The following ERC2 variants were observed in gnomAD, a reference collection of about 807,000 sequenced individuals.
ERC2 encodes ELKS/RAB6-interacting/CAST family member 2.
In ERC2, 42 loss-of-function variants were observed where a neutral mutation model predicts 114.8. That is an observed-to-expected ratio of 0.37 (90% CI 0.29 to 0.47). ERC2 has a LOEUF of 0.47. Ranked by LOEUF, ERC2 falls within the 20% of genes least tolerant of loss-of-function variation. ERC2 has a pLI of 0.99. For missense variants in ERC2, 939 were observed against 1,150.7 expected, an observed-to-expected ratio of 0.82 and a Z score of 2.66; for synonymous variants, 454 against 425.5, an observed-to-expected ratio of 1.07 and a Z score of -0.82.
chr3:55,988,400 C>G (rs887620824), intron 11 of ERC2, among the ~76,000 whole-genome samples: 2 of 152,198 alleles, frequency 1.3e-5, no homozygotes, highest in African/African-American at 4.8e-5. Flanking sequence ...TGGGACCACA[C>G]TAGAGCAACA....
rs1164468814 is a variant in ERC2, at chr3:56,058,101, T to C, written c.1641+22716A>G. Among the ~76,000 whole-genome samples the C allele has an allele frequency of 2.0e-5, 3 of 152,328 alleles. No individual in the cohort carries two copies. In the East Asian group the frequency reaches 5.8e-4, roughly 29 times the overall value. On this transcript the variant is annotated intron_variant, in intron 7 of 17. Coordinates refer to ENST00000288221, the MANE Select transcript of ERC2 (RefSeq NM_015576.3). The stretch of plus-strand genomic sequence containing the variant: ...CATATTACAAATTTCTGTAGCAAGA[T>C]ACCTGCACTTGATAAACAGCTGTGC...
At chr3:55,591,199 T>A (rs1176835325) in intron 17 of ERC2, among the ~76,000 whole-genome samples, 26 of 142,286 alleles carry the variant, frequency 1.8e-4, no homozygotes, top group African/African-American at 3.6e-4. Flanking sequence ...TTTTTTTTTT[T>A]AAACAAATTT....
At chr3:56,348,939 GGAAGGAAGGAAGGAAGGAAAGAAAGAAA>G (rs1560642964) in intron 2 of ERC2, among the ~76,000 whole-genome samples, 21 of 90,624 alleles carry the variant, frequency 2.3e-4, no homozygotes, top group African/African-American at 6.0e-4. Flanking sequence ...AAGGAAGGAA[GGAAGGAAGGAAGGAAGGAAAGAAAGAAA>G]GAAGGAAAGA....
intron 13 of ERC2, among the ~76,000 whole-genome samples, chr3:55,942,776 T>A (rs1028811003): frequency 1.3e-5 from 2 of 152,344 alleles, no homozygotes; most frequent in East Asian, 3.9e-4. Context: ...ATTAAGTGAA[T>A]AGGAACTGAT....
intron 17 of ERC2, among the ~76,000 whole-genome samples, chr3:55,654,833 A>T (rs574287538): frequency 1.4e-4 from 21 of 152,306 alleles, no homozygotes; most frequent in African/African-American, 4.8e-4. Flanking sequence ...ACATTTATTA[A>T]TGCAGTGGGT....
intron 12 of ERC2, among the ~76,000 whole-genome samples, chr3:55,969,478 C>A (rs1212522634): frequency 6.6e-6 from 1 of 151,828 alleles, no homozygotes; most frequent in East Asian, 1.9e-4. Flanking sequence ...GCCAGTATGA[C>A]CATCTCCAGT....
At chr3:55,513,795 G>A (rs975812409) in intron 17 of ERC2, among the ~76,000 whole-genome samples, 6 of 151,912 alleles carry the variant, frequency 3.9e-5, no homozygotes, top group Non-Finnish European at 7.4e-5. Context: ...CACCATGTCT[G>A]GCTAATTTTT....
chr3:55,852,800 C>T (rs2149245248), intron 14 of ERC2, among the ~76,000 whole-genome samples: 1 of 152,246 alleles, frequency 6.6e-6, no homozygotes, highest in South Asian at 2.1e-4. Context: ...CAAAATTACT[C>T]AATAAAAATA....
chr3:55,735,005 A>G, intron 14 of ERC2, 87 bp from the exon 15 acceptor site: 1 of 1,338,770 alleles, frequency 7.5e-7, no homozygotes, highest in Admixed American at 2.8e-5. Flanking sequence ...TGAACCACAG[A>G]GTATTGTCTC....
At chr3:56,171,951 G>A (rs2082696139) in intron 4 of ERC2, among the ~76,000 whole-genome samples, 1 of 146,656 alleles carries the variant, frequency 6.8e-6, no homozygotes, top group African/African-American at 2.5e-5. Flanking sequence ...GTGGATGGAA[G>A]GGGGACTGAG....
chr3:56,340,431 T>C (rs1474916553), intron 2 of ERC2, among the ~76,000 whole-genome samples: 1 of 152,122 alleles, frequency 6.6e-6, no homozygotes, highest in Non-Finnish European at 1.5e-5. Flanking sequence ...GGCAGGTGTT[T>C]CCTGAAATTA....
At chr3:55,980,763 C>T (rs1427299307) in intron 12 of ERC2, among the ~76,000 whole-genome samples, 1 of 151,406 alleles carries the variant, frequency 6.6e-6, no homozygotes, top group Non-Finnish European at 1.5e-5. Flanking sequence ...AAAAAAAGTA[C>T]AGATGAATGA....
intron 14 of ERC2, among the ~76,000 whole-genome samples, chr3:55,872,721 G>T (rs185270956): frequency 6.6e-6 from 1 of 152,154 alleles, no homozygotes; most frequent in African/African-American, 2.4e-5. Context: ...AGTGGAAAAC[G>T]CTCCTCTCTA....
chr3:55,752,826 T>C (rs1001942177), intron 14 of ERC2, among the ~76,000 whole-genome samples: 1 of 152,184 alleles, frequency 6.6e-6, no homozygotes, highest in African/African-American at 2.4e-5. Flanking sequence ...TTGTTCTAAG[T>C]TGAGATACTC....
rs182572498 is a variant in ERC2, at chr3:55,567,887, G to A, written c.*40-56611C>T. Among the ~76,000 whole-genome samples, 6 of 152,242 alleles carry A rather than the reference G, an allele frequency of 3.9e-5. No homozygotes were observed. The East Asian group carries it at 9.7e-4, about 25-fold the overall frequency. ...CCTTCCGGCCTTTTCTCTCATAACT[G>A]TTTTATCACTATCTGGTGAGTTTCA... On this transcript the variant is annotated intron_variant, in intron 17 of 17. Transcript: ENST00000288221.
intron 2 of ERC2, among the ~76,000 whole-genome samples, chr3:56,347,828 A>G (rs552578388): frequency 3.9e-5 from 6 of 152,268 alleles, no homozygotes; most frequent in South Asian, 2.1e-4. Flanking sequence ...TGCAGTTGCT[A>G]CTTTCCATGA....
At position 55,557,556 on chromosome 3, in the gene ERC2, A is replaced by G. The variant is rs141479137; in HGVS notation, c.*40-46280T>C. On this transcript the variant is annotated intron_variant, in intron 17 of 17. Transcript: ENST00000288221. ...TGGGGGAATCCTTTATATATTAAGTAGTTGCCATGTGAGATCTACTGCCAC... is the reference window on the plus strand; with the variant it reads ...TGGGGGAATCCTTTATATATTAAGTGGTTGCCATGTGAGATCTACTGCCAC... 8.7e-4 allele frequency among the ~76,000 whole-genome samples: 132 copies of G among 152,368 alleles called. 3 individuals carry two copies. The East Asian group carries it at 0.023, about 27-fold the overall frequency.
In ERC2 at chr3:55,925,338, T is replaced by C. The variant is rs932493601; in HGVS notation, c.2403+25087A>G. ...GTATAGAGAGTAACTCAAAACAGAA[T>C]CAGGGCTTGAGGCAGAGGGATTGGT... On this transcript the variant is annotated intron_variant, in intron 13 of 17. Coordinates refer to ENST00000288221, the MANE Select transcript of ERC2 (RefSeq NM_015576.3). Among the ~76,000 whole-genome samples the C allele has an allele frequency of 2.0e-5, 3 of 152,046 alleles. No homozygotes were observed. In the East Asian group the frequency reaches 5.8e-4, roughly 29 times the overall value.
In ERC2 at chr3:55,679,134, C is replaced by G. The variant is rs551499962; in HGVS notation, c.*39+4660G>C. On this transcript the variant is annotated intron_variant, in intron 17 of 17. Transcript: ENST00000288221. ...TTCTTAGGCTTAAAATCTAAACTCT[C>G]TACCTCGCCATAAAAGGCCCTACGT... Among the ~76,000 whole-genome samples the G allele has an allele frequency of 2.6e-5, 4 of 152,350 alleles. No individual in the cohort carries two copies. The South Asian group carries it at 8.3e-4, about 32-fold the overall frequency.
Sources: gnomAD v4.1 joint callset for allele counts (sites outside exome capture counted in the v4.1 genomes callset) on GRCh38, gnomAD v4.1.1 for gene constraint, MANE v1.5 for transcripts, NCBI Gene and HGNC (gene_info 2026-07-23, HGNC 2026-07-21) for gene names.